Variants in AGBL4 observed in about 807,000 individuals in gnomAD.
AGBL4 encodes the protein AGBL carboxypeptidase 4.
Under a neutral mutation model 66.4 loss-of-function variants are expected in AGBL4, and 58 were observed. That is an observed-to-expected ratio of 0.87 (90% CI 0.71 to 1.09). AGBL4 has a LOEUF of 1.09. AGBL4 is among the 50% of genes least tolerant of loss of function. The pLI is 0.00. For synonymous variants in AGBL4, 234 were observed against 222.9 expected (o/e 1.05, Z -0.44); for missense variants, 579 against 631.0 (o/e 0.92, Z 0.88).
chr1:49,989,967 C>A (rs1659805165), intron 1 of AGBL4, among the ~76,000 whole-genome samples: 1 of 151,994 alleles, frequency 6.6e-6, no homozygotes, highest in African/African-American at 2.4e-5. Context: ...CTATTTCTTT[C>A]CAGAAAGGGT....
At chr1:49,339,334 T>G (rs535718293) in intron 3 of AGBL4, among the ~76,000 whole-genome samples, 1 of 152,360 alleles carries the variant, frequency 6.6e-6, no homozygotes, top group African/African-American at 2.4e-5. Context: ...TTACTTTACG[T>G]TATTCCAATG....
intron 11 of AGBL4, among the ~76,000 whole-genome samples, chr1:48,582,600 T>C (rs936329339): frequency 6.6e-6 from 1 of 152,188 alleles, no homozygotes; most frequent in African/African-American, 2.4e-5. Context: ...TGCATGGGGC[T>C]GAGACAAGTC....
chr1:49,513,030 A>G (rs1030925986), intron 3 of AGBL4, among the ~76,000 whole-genome samples: 1 of 151,994 alleles, frequency 6.6e-6, no homozygotes, highest in Admixed American at 6.6e-5. Flanking sequence ...CATGTTACAA[A>G]TGGGAAAAGA....
intron 5 of AGBL4, among the ~76,000 whole-genome samples, chr1:49,012,715 C>G (rs546172916): frequency 6.6e-6 from 1 of 152,288 alleles, no homozygotes; most frequent in African/African-American, 2.4e-5. Flanking sequence ...GCCCTCAGTT[C>G]CAAAGCAAAC....
chr1:49,381,859 G>T (rs188426389), intron 3 of AGBL4, among the ~76,000 whole-genome samples: 1 of 130,430 alleles, frequency 7.7e-6, no homozygotes, highest in Non-Finnish European at 1.6e-5. Flanking sequence ...GGTGGGGGAA[G>T]GGGGGAGGGA....
intron 2 of AGBL4, among the ~76,000 whole-genome samples, chr1:49,825,854 T>TAC (rs141160951): frequency 0.031 from 4,568 of 148,234 alleles, 182 homozygotes; most frequent in African/African-American, 0.1. Flanking sequence ...CACTCACACA[T>TAC]ACACACACAC....
chr1:49,094,533 A>G (rs538510431), intron 4 of AGBL4, among the ~76,000 whole-genome samples: 1 of 152,256 alleles, frequency 6.6e-6, no homozygotes, highest in East Asian at 1.9e-4. Flanking sequence ...CCCAGGGATG[A>G]AGCCCACTTG....
chr1:48,992,087 A>G (rs1435348284), intron 5 of AGBL4, among the ~76,000 whole-genome samples: 1 of 152,094 alleles, frequency 6.6e-6, no homozygotes, highest in Non-Finnish European at 1.5e-5. Context: ...TTAGGGATTT[A>G]TTGTAGTCTT....
intron 4 of AGBL4, among the ~76,000 whole-genome samples, chr1:49,108,618 A>C (rs1332411954): frequency 6.6e-6 from 1 of 152,208 alleles, no homozygotes; most frequent in Admixed American, 6.5e-5. Context: ...GGGAGGCCTC[A>C]TCTCTTTGCA....
chr1:48,726,355 T>C (rs1406131912), intron 6 of AGBL4, among the ~76,000 whole-genome samples: 2 of 152,256 alleles, frequency 1.3e-5, no homozygotes, highest in East Asian at 1.9e-4. Flanking sequence ...GCAAAGTTTT[T>C]TTCCAGCATC....
intron 9 of AGBL4, among the ~76,000 whole-genome samples, chr1:48,627,882 G>C (rs191235290): frequency 1.4e-4 from 21 of 152,208 alleles, no homozygotes; most frequent in African/African-American, 4.8e-4. Context: ...ACAGACCCTG[G>C]GGGATTCTTC....
At chr1:49,860,748 T>G (rs957140876) in intron 1 of AGBL4, among the ~76,000 whole-genome samples, 7 of 148,720 alleles carry the variant, frequency 4.7e-5, no homozygotes, top group Non-Finnish European at 7.4e-5. Context: ...GAAAGCTCCA[T>G]AAATTATCCC....
intron 3 of AGBL4, among the ~76,000 whole-genome samples, chr1:49,586,640 C>T (rs1210310417): frequency 6.9e-6 from 1 of 145,062 alleles, no homozygotes; most frequent in African/African-American, 2.4e-5. Context: ...AATCAATAAT[C>T]GTTTAGAGAC....
At chr1:48,623,073 T>G (rs927534310) in intron 9 of AGBL4, among the ~76,000 whole-genome samples, 1 of 152,204 alleles carries the variant, frequency 6.6e-6, no homozygotes, top group Non-Finnish European at 1.5e-5. Flanking sequence ...CTTGCAACTT[T>G]TCTAAGAACA....
At chr1:49,729,626 T>C (rs1354216697) in intron 2 of AGBL4, among the ~76,000 whole-genome samples, 16 of 152,066 alleles carry the variant, frequency 1.1e-4, no homozygotes, top group Admixed American at 9.2e-4. Flanking sequence ...GGAGGGAAGG[T>C]GGACATACGG....
chr1:48,539,791 A>G, intron 11 of AGBL4, 53 bp from the exon 12 acceptor site: 1 of 1,198,998 alleles, frequency 8.3e-7, no homozygotes, highest in African/African-American at 1.6e-5. Flanking sequence ...AGACAGAGTG[A>G]AAAGAGAACT....
At chr1:48,746,387 A>T (rs1023728852) in intron 6 of AGBL4, among the ~76,000 whole-genome samples, 1 of 152,090 alleles carries the variant, frequency 6.6e-6, no homozygotes, top group Non-Finnish European at 1.5e-5. Flanking sequence ...CCCAGCACAG[A>T]GCAGGTCCTT....
chr1:49,207,527 C>CTT (rs1370948379), intron 4 of AGBL4, among the ~76,000 whole-genome samples: 2 of 135,196 alleles, frequency 1.5e-5, no homozygotes, highest in Non-Finnish European at 3.2e-5. Context: ...TTCTTTCTCT[C>CTT]TTTCTTTTTC....
intron 9 of AGBL4, among the ~76,000 whole-genome samples, chr1:48,612,612 T>G (rs991485213): frequency 2.6e-5 from 4 of 152,188 alleles, no homozygotes; most frequent in African/African-American, 9.6e-5. Context: ...CAATGACCAT[T>G]AACAATATCT....
Sources: gnomAD v4.1 joint callset for allele counts (sites outside exome capture counted in the v4.1 genomes callset) on GRCh38, gnomAD v4.1.1 for gene constraint, MANE v1.5 for transcripts, NCBI Gene and HGNC (gene_info 2026-07-23, HGNC 2026-07-21) for gene names.